PTPRD: variants seen among roughly 807,000 people sequenced by gnomAD.
PTPRD encodes the protein protein tyrosine phosphatase receptor type D.
In PTPRD, 34 loss-of-function variants were observed where a neutral mutation model predicts 214.5. The ratio of observed to expected loss-of-function variants is 0.16; its 90% CI spans 0.12 to 0.21. PTPRD has a LOEUF of 0.21. PTPRD is among the 10% of genes least tolerant of loss of function. The pLI is 1.00. For synonymous variants in PTPRD, 1,128 were observed against 845.7 expected (o/e 1.33, Z -5.79); for missense variants, 2,545 against 2,398.7 (o/e 1.06, Z -1.27).
At chr9:9,301,442 GTACT>G (rs1217919871) in intron 9 of PTPRD, among the ~76,000 whole-genome samples, 1 of 151,870 alleles carries the variant, frequency 6.6e-6, no homozygotes, top group Non-Finnish European at 1.5e-5. Flanking sequence ...ACTAGACTGA[GTACT>G]TACTTTAAAC....
At chr9:10,573,515 C>A (rs1203463583) in intron 2 of PTPRD, among the ~76,000 whole-genome samples, 1 of 152,010 alleles carries the variant, frequency 6.6e-6, no homozygotes, top group Admixed American at 6.6e-5. Flanking sequence ...CTAGACATAG[C>A]CAGGAGGAAG....
intron 9 of PTPRD, among the ~76,000 whole-genome samples, chr9:9,390,745 A>G (rs2065531678): frequency 6.6e-6 from 1 of 152,144 alleles, no homozygotes; most frequent in Non-Finnish European, 1.5e-5. Context: ...AGTCTTATCA[A>G]GTTCTGAATT....
In PTPRD at chr9:8,331,686, C is replaced by T. The variant is rs1181556237; in HGVS notation, c.5430G>A (p.Glu1810=). ...VRQFQFTDWP[E]QGVPKSGEGF... ...CTTCTCCGGACTTTGGCACTCCTTG[C>T]TCTGGCCAGTCAGTGAACTGGAACT... The change falls in exon 44 of 46, where the codon GAG becomes GAA. Residue 1810 remains glutamate (E), a synonymous_variant. Coordinates refer to ENST00000381196, the MANE Select transcript of PTPRD (RefSeq NM_002839.4). 9 of 1,613,764 alleles carry T rather than the reference C, an allele frequency of 5.6e-6. No individual in the cohort carries two copies. The highest frequency in any genetic ancestry group is 1.7e-5 in the Admixed American group (1 of 59,974).
intron 12 of PTPRD, among the ~76,000 whole-genome samples, chr9:8,722,865 C>A (rs1194212987): frequency 6.6e-6 from 1 of 152,152 alleles, no homozygotes; most frequent in East Asian, 1.9e-4. Flanking sequence ...CTTTTATTTA[C>A]CAAAGTCTTT....
intron 8 of PTPRD, among the ~76,000 whole-genome samples, chr9:9,502,055 A>G (rs10977825): frequency 0.23 from 34,780 of 151,606 alleles, 4,430 homozygotes; most frequent in Middle Eastern, 0.35. Flanking sequence ...CACTACCACA[A>G]TCGATGTCAT....
intron 6 of PTPRD, among the ~76,000 whole-genome samples, chr9:9,753,887 A>T (rs2098545009): frequency 6.6e-6 from 1 of 152,024 alleles, no homozygotes; most frequent in Non-Finnish European, 1.5e-5. Flanking sequence ...TCTTCCCTTA[A>T]GAACCTAGCT....
chr9:9,414,885 AG>A (rs1268050132), intron 8 of PTPRD: 3 of 152,228 alleles, frequency 2.0e-5, no homozygotes, highest in Non-Finnish European at 4.4e-5. Flanking sequence ...AAAATTTAAA[AG>A]ATAATTACCT....
At chr9:10,276,920 T>C (rs909567164) in intron 3 of PTPRD, among the ~76,000 whole-genome samples, 3 of 152,168 alleles carry the variant, frequency 2.0e-5, no homozygotes, top group Non-Finnish European at 2.9e-5. Flanking sequence ...AGAATCTAAA[T>C]GTAATGCGAG....
At chr9:9,948,278 C>T (rs1258665010) in intron 4 of PTPRD, among the ~76,000 whole-genome samples, 1 of 152,032 alleles carries the variant, frequency 6.6e-6, no homozygotes, top group Non-Finnish European at 1.5e-5. Flanking sequence ...ACACGACTTT[C>T]ACTGTATCTC....
rs150289974 is a variant in PTPRD, at chr9:9,725,441, T to C, written c.-287+9092A>G. Among the ~76,000 whole-genome samples, 254 of 152,236 alleles carry C rather than the reference T, an allele frequency of 1.7e-3. 1 individual carries two copies. The highest frequency in any genetic ancestry group is 5.7e-3 in the African/African-American group (237 of 41,562). Reference sequence around the variant, plus strand: ...AGTCCATTAAACGTCTTTTTCTTCCTATTCTCAGCTTATGTCGTTATCAAG... The same window carrying C: ...AGTCCATTAAACGTCTTTTTCTTCCCATTCTCAGCTTATGTCGTTATCAAG... On this transcript the variant is annotated intron_variant, in intron 7 of 45. Transcript: ENST00000381196.
Position 9,033,982 on chromosome 9 carries a change from A to G in PTPRD, c.-142-15247T>C, listed in dbSNP as rs989149709. Among the ~76,000 whole-genome samples the G allele has an allele frequency of 2.6e-5, 4 of 152,188 alleles. No homozygotes were observed. The South Asian group carries it at 8.3e-4, about 31-fold the overall frequency. On this transcript the variant is annotated intron_variant, in intron 10 of 45. Transcript: ENST00000381196. Reference sequence around the variant, plus strand: ...TTTACCTGAATAAAAACTGCAGAACAGTGCCCATTTTGGGGTAAGTAGTAT... The same window carrying G: ...TTTACCTGAATAAAAACTGCAGAACGGTGCCCATTTTGGGGTAAGTAGTAT...
At chr9:8,914,409 G>C (rs2098770389) in intron 11 of PTPRD, among the ~76,000 whole-genome samples, 1 of 151,962 alleles carries the variant, frequency 6.6e-6, no homozygotes, top group South Asian at 2.1e-4. Context: ...AACTCCAGGT[G>C]GTCATAAAGG....
intron 11 of PTPRD, among the ~76,000 whole-genome samples, chr9:8,741,216 A>AAAAAACCTC (rs2091845504): frequency 6.6e-6 from 1 of 152,172 alleles, no homozygotes; most frequent in African/African-American, 2.4e-5. Context: ...AGAAAGGAAA[A>AAAAAACCTC]AAAAACCTCA....
Position 8,314,815 on chromosome 9 carries a change from A to G in PTPRD, c.*3059T>C, listed in dbSNP as rs1820925856. On this transcript the variant is annotated 3_prime_UTR_variant, in exon 46 of 46. Transcript: ENST00000381196. ...AGTTTCTTACAGATGGGTTCAAGTA[A>G]TATCATTATTGGGTGTAGAATCAAT... The G allele has an allele frequency of 4.3e-6, 1 of 232,168 alleles. No homozygotes were observed. The highest frequency in any genetic ancestry group is 1.8e-4 in the South Asian group (1 of 5,528). The allele number at this position is 232,168 out of a possible 1,614,324, so 14.4% of individuals were successfully genotyped here.
chr9:9,472,019 T>C (rs2094624585), intron 8 of PTPRD, among the ~76,000 whole-genome samples: 1 of 152,112 alleles, frequency 6.6e-6, no homozygotes, highest in Non-Finnish European at 1.5e-5. Context: ...ATTACCTACT[T>C]ATGTATCAAA....
At chr9:9,209,343 G>T (rs1469822182) in intron 9 of PTPRD, among the ~76,000 whole-genome samples, 1 of 152,152 alleles carries the variant, frequency 6.6e-6, no homozygotes, top group Non-Finnish European at 1.5e-5. Flanking sequence ...AAAAATTAGA[G>T]GCAGAACCTA....
At chr9:9,853,110 G>C (rs370032172) in intron 5 of PTPRD, among the ~76,000 whole-genome samples, 2 of 152,166 alleles carry the variant, frequency 1.3e-5, no homozygotes, top group South Asian at 2.1e-4. Context: ...TGACATAGAA[G>C]ACCTCTAGTC....
intron 39 of PTPRD, among the ~76,000 whole-genome samples, chr9:8,364,090 A>C (rs1462342439): frequency 1.3e-5 from 2 of 152,246 alleles, no homozygotes; most frequent in East Asian, 3.8e-4. Flanking sequence ...GGCATATAAC[A>C]AACACTGTGA....
chr9:8,782,739 A>C (rs2095780671), intron 11 of PTPRD, among the ~76,000 whole-genome samples: 1 of 151,838 alleles, frequency 6.6e-6, no homozygotes. Context: ...CTGGGATTAC[A>C]GGCGCACACC....
Sources: gnomAD v4.1 joint callset for allele counts (sites outside exome capture counted in the v4.1 genomes callset) on GRCh38, gnomAD v4.1.1 for gene constraint, MANE v1.5 for transcripts, NCBI Gene and HGNC (gene_info 2026-07-23, HGNC 2026-07-21) for gene names.